The following NTMT1 variants were observed in gnomAD, a reference collection of about 807,000 sequenced individuals.
The protein encoded by NTMT1 is N-terminal Xaa-Pro-Lys N-methyltransferase 1.
In NTMT1, 8 loss-of-function variants were observed where a neutral mutation model predicts 17.5. The observed-to-expected ratio is 0.46, with a 90% CI of 0.27 to 0.82. The LOEUF is 0.82. NTMT1 is among the 40% of genes least tolerant of loss of function. The pLI, the probability that NTMT1 is intolerant of heterozygous loss-of-function variation, is 0.15. For missense variants in NTMT1, 221 were observed against 303.5 expected (o/e 0.73, Z 2.02); for synonymous variants, 128 against 126.8 (o/e 1.01, Z -0.06).
At chr9:129,622,321 C>T (rs929241415), upstream of NTMT1, among the ~76,000 whole-genome samples, 2 of 152,082 alleles carry the variant, frequency 1.3e-5, no homozygotes, top group Non-Finnish European at 2.9e-5. Flanking sequence ...GGTGAAACCT[C>T]GTCTCTACAA....
intron 2 of NTMT1, chr9:129,633,354 C>T (rs1831296277): frequency 4.1e-6 from 1 of 245,856 alleles, no homozygotes; most frequent in Non-Finnish European, 7.7e-6. Context: ...CCACCTGCTC[C>T]ATCCAGCGCC....
chr9:129,624,007 G>A (rs1253184015), upstream of NTMT1, among the ~76,000 whole-genome samples: 1 of 151,902 alleles, frequency 6.6e-6, no homozygotes, highest in Non-Finnish European at 1.5e-5. Flanking sequence ...TGTTAGCCAG[G>A]ATGGTCTCGA....
In NTMT1 at chr9:129,636,065, T is replaced by A. The variant is rs1831536196; in HGVS notation, c.*601T>A. On this transcript the variant is annotated 3_prime_UTR_variant, in exon 4 of 4. Coordinates refer to ENST00000372483, the MANE Select transcript of NTMT1 (RefSeq NM_014064.4). ...CCTCAGTCTTCTCTGGGCTTGAGGCTGCTCCTTGGCAGGCATTTAAAGTAA... is the reference window on the plus strand; with the variant it reads ...CCTCAGTCTTCTCTGGGCTTGAGGCAGCTCCTTGGCAGGCATTTAAAGTAA... 6.6e-6 allele frequency: 1 copy of A among 152,386 alleles called. No individual in the cohort carries two copies. The highest frequency in any genetic ancestry group is 1.5e-5 in the Non-Finnish European group (1 of 68,190). The allele number at this position is 152,386 out of a possible 1,614,324, so 9.4% of individuals were successfully genotyped here. A position where few individuals can be genotyped will look rare whatever the true frequency, so the allele number is the denominator to read the frequency against.
In NTMT1 at chr9:129,613,658, C is replaced by G. The variant is rs1199788764; in HGVS notation, c.-55+4480C>G. The G allele has an allele frequency of 1.3e-6, 2 of 1,597,964 alleles. No homozygotes were observed. The highest frequency in any genetic ancestry group is 1.7e-6 in the Non-Finnish European group (2 of 1,170,014). On this transcript the variant is annotated intron_variant, in intron 1 of 3. Transcript: ENST00000372486. This position sits in a 1 kb window ranked among gnomAD's most constrained non-coding sequence, Gnocchi z 6.2. ...GGAGGAGGGCACTGGTGCCCCCACC[C>G]TCTTTTCCTCCCTCTGGCAGGCAGG...
intron 3 of NTMT1, chr9:129,634,960 T>C (rs3088095): frequency 0.17 from 87,929 of 523,428 alleles, 8,343 homozygotes; most frequent in African/African-American, 0.3. Flanking sequence ...AGGCAGGACT[T>C]GTAAGCCATC....
In NTMT1 at chr9:129,620,707, A is replaced by G. The variant is rs1830660911; in HGVS notation, c.-55+11529A>G. On this transcript the variant is annotated intron_variant, in intron 1 of 3. Coordinates refer to the NTMT1 transcript ENST00000372486. This position sits in a 1 kb window ranked among gnomAD's most constrained non-coding sequence, Gnocchi z 5.8. ...GGCAGCGCGGTGCGGGGTGAACGCC[A>G]CCGGCCCGGCGGACAGCGAGTGGCT... The G allele has an allele frequency of 2.5e-6, 2 of 806,634 alleles. No homozygotes were observed. Among genetic ancestry groups the G allele is most frequent in the South Asian group, 6.4e-5 (1 of 15,566 alleles). The allele number at this position is 806,634 out of a possible 1,614,324, so 50.0% of individuals were successfully genotyped here.
intron 1 of NTMT1, among the ~76,000 whole-genome samples, chr9:129,630,557 T>C (rs868296823): frequency 1.3e-5 from 2 of 152,376 alleles, no homozygotes; most frequent in South Asian, 4.1e-4. Context: ...TGACCACTTC[T>C]CTTGAAGCCC....
upstream of NTMT1, among the ~76,000 whole-genome samples, chr9:129,621,575 A>G: frequency 6.6e-6 from 1 of 152,132 alleles, no homozygotes; most frequent in South Asian, 2.1e-4. Context: ...TTTATGTTGC[A>G]CGGGCTGGTC....
At chr9:129,635,165 C>A (rs772988309) in intron 3 of NTMT1, 43 bp from the exon 4 acceptor site, 1 of 1,581,276 alleles carries the variant, frequency 6.3e-7, no homozygotes, top group Non-Finnish European at 8.6e-7. Context: ...TGCCGACATC[C>A]GCTTGCATGG....
chr9:129,612,329 C>G (rs773451999), intron 1 of NTMT1: 5 of 1,605,082 alleles, frequency 3.1e-6, no homozygotes, highest in African/African-American at 1.3e-5. Context: ...GTGCCCCTGG[C>G]CTTGGGTTCG....
At chr9:129,609,838 A>C (rs1008390286) in intron 1 of NTMT1, among the ~76,000 whole-genome samples, 4 of 151,826 alleles carry the variant, frequency 2.6e-5, no homozygotes, top group Non-Finnish European at 5.9e-5. Context: ...GATGACCCCG[A>C]ATGTGGGGGC....
At chr9:129,631,758 C>A (rs1005265093) in intron 1 of NTMT1, among the ~76,000 whole-genome samples, 1 of 152,244 alleles carries the variant, frequency 6.6e-6, no homozygotes, top group African/African-American at 2.4e-5. Flanking sequence ...TCTTGCCCAT[C>A]CATCGGTTTC....
intron 3 of NTMT1, chr9:129,634,808 G>T (rs1401352671): frequency 4.0e-6 from 1 of 252,040 alleles, no homozygotes; most frequent in Non-Finnish European, 7.8e-6. Flanking sequence ...CTTGTATTTT[G>T]TGGTCTCAGA....
chr9:129,634,388 T>C (rs1831387379), intron 3 of NTMT1, 82 bp downstream of exon 3: 21 of 1,493,960 alleles, frequency 1.4e-5, no homozygotes, highest in Non-Finnish European at 1.9e-5. Flanking sequence ...GACCAGGGCT[T>C]TGCACTCCTG....
chr9:129,611,111 C>T (rs1830105880), intron 1 of NTMT1, among the ~76,000 whole-genome samples: 1 of 152,216 alleles, frequency 6.6e-6, no homozygotes, highest in African/African-American at 2.4e-5. Flanking sequence ...CGTCCCCCAT[C>T]CACAACCCAT....
intron 1 of NTMT1, among the ~76,000 whole-genome samples, chr9:129,630,390 C>G (rs1311554401): frequency 6.6e-6 from 1 of 152,104 alleles, no homozygotes; most frequent in Non-Finnish European, 1.5e-5. Context: ...GGAGGATCAC[C>G]TGAGCTGTAC....
chr9:129,635,695 C>A lies in NTMT1; in HGVS notation c.*231C>A. The A allele has an allele frequency of 1.9e-6, 1 of 530,096 alleles. No homozygotes were observed. The highest frequency in any genetic ancestry group is 3.3e-6 in the Non-Finnish European group (1 of 299,286). The allele number at this position is 530,096 out of a possible 1,614,324, so 32.8% of individuals were successfully genotyped here. A position where few individuals can be genotyped will look rare whatever the true frequency, so the allele number is the denominator to read the frequency against. ...CAGGAGCCCAGACCCTGCTCTCCTG[C>A]GAGATGGGATTGGGTGGAAGGGGCT... On this transcript the variant is annotated 3_prime_UTR_variant, in exon 4 of 4. Coordinates refer to ENST00000372483, the MANE Select transcript of NTMT1 (RefSeq NM_014064.4).
chr9:129,624,732 C>T (rs142748256), upstream of NTMT1, among the ~76,000 whole-genome samples: 1 of 152,314 alleles, frequency 6.6e-6, no homozygotes, highest in Non-Finnish European at 1.5e-5. Flanking sequence ...TAGGTTCAGG[C>T]TATTCTCCTG....
chr9:129,612,273 T>G, intron 1 of NTMT1: 8 of 1,303,888 alleles, frequency 6.1e-6, no homozygotes, highest in Non-Finnish European at 7.6e-6. Flanking sequence ...GGATGTGCCT[T>G]TATTTGTGGG....
Sources: allele counts gnomAD v4.1 joint callset (sites outside exome capture counted in the v4.1 genomes callset), GRCh38; gene constraint gnomAD v4.1.1; non-coding constraint Gnocchi (gnomAD v3.1); transcripts MANE v1.5; gene names NCBI Gene and HGNC (gene_info 2026-07-23, HGNC 2026-07-21).